FMN2: variants seen among roughly 807,000 people sequenced by gnomAD.
FMN2 encodes the protein formin-2.
In FMN2, 51 loss-of-function variants were observed where a neutral mutation model predicts 142.3. That is an observed-to-expected ratio of 0.36 (90% CI 0.29 to 0.45). The LOEUF is 0.45. FMN2 is among the 20% of genes least tolerant of loss of function. The pLI is 1.00. For missense variants in FMN2, 1,936 were observed against 2,122.8 expected, an observed-to-expected ratio of 0.91 and a Z score of 1.73; for synonymous variants, 882 against 869.8, an observed-to-expected ratio of 1.01 and a Z score of -0.25.
At chr1:240,431,317 G>A (rs969291803) in intron 15 of FMN2, among the ~76,000 whole-genome samples, 2 of 150,616 alleles carry the variant, frequency 1.3e-5, no homozygotes, top group African/African-American at 2.4e-5. Flanking sequence ...CACTTATTTA[G>A]TTCTGAGTAA....
At chr1:240,104,034 G>T (rs943917484) in intron 1 of FMN2, among the ~76,000 whole-genome samples, 2 of 151,370 alleles carry the variant, frequency 1.3e-5, no homozygotes, top group African/African-American at 4.8e-5. Context: ...CCGCCACCTC[G>T]CCTGGCTAAT....
At position 240,207,122 on chromosome 1, in the gene FMN2, C is replaced by A. The variant is rs766878427; in HGVS notation, c.2310C>A (p.Pro770=). Residue 770 remains proline (P), a synonymous_variant, in exon 5 of 18, where the codon CCC becomes CCA. Transcript: ENST00000319653. ...GGCTGCCAGGGCGTCCTCCATGCCC[C>A]CCTGGGGCTGAAAGTGGACCTCAGA... ...VDGLPGRPPC[P]PGAESGPQTK... The A allele has an allele frequency of 3.1e-6, 5 of 1,614,078 alleles. No individual in the cohort carries two copies. Among genetic ancestry groups the A allele is most frequent in the Non-Finnish European group, 2.5e-6 (3 of 1,179,988 alleles).
At chr1:240,362,900 G>C (rs72767921) in intron 14 of FMN2, among the ~76,000 whole-genome samples, 35,941 of 151,962 alleles carry the variant, frequency 0.24, 4,302 homozygotes, top group African/African-American at 0.28. Flanking sequence ...ACTTCTACCC[G>C]CCTCCCCGCT....
chr1:240,095,386 T>TACACACACACACACACACAC (rs59692947), intron 1 of FMN2, among the ~76,000 whole-genome samples: 26 of 149,866 alleles, frequency 1.7e-4, no homozygotes, highest in Middle Eastern at 7.0e-3. Flanking sequence ...TATATGTGCA[T>TACACACACACACACACACAC]ACACACACAC....
chr1:240,250,884 A>C (rs545278268), intron 6 of FMN2, among the ~76,000 whole-genome samples: 1 of 152,064 alleles, frequency 6.6e-6, no homozygotes, highest in Non-Finnish European at 1.5e-5. Flanking sequence ...ATAGTTGTTC[A>C]TAATAGTCTC....
At chr1:240,316,057 G>A (rs764289691) in intron 8 of FMN2, among the ~76,000 whole-genome samples, 4 of 152,148 alleles carry the variant, frequency 2.6e-5, no homozygotes, top group African/African-American at 4.8e-5. Flanking sequence ...TATTTAGAGT[G>A]AACCTACTGT....
chr1:240,350,200 C>G (rs559957406), intron 13 of FMN2, among the ~76,000 whole-genome samples: 1 of 152,324 alleles, frequency 6.6e-6, no homozygotes, highest in Admixed American at 6.5e-5. Context: ...ATTTATCCAA[C>G]AGGCTCTTCC....
chr1:240,243,141 C>A (rs1379075), intron 6 of FMN2, among the ~76,000 whole-genome samples: 29 of 151,644 alleles, frequency 1.9e-4, no homozygotes, highest in Non-Finnish European at 3.7e-4. Flanking sequence ...AAAAAAAAAA[C>A]CAAAAAACAA....
intron 16 of FMN2, among the ~76,000 whole-genome samples, chr1:240,443,393 G>A (rs1234736821): frequency 6.6e-6 from 1 of 152,158 alleles, no homozygotes; most frequent in Non-Finnish European, 1.5e-5. Flanking sequence ...TCATCACTGA[G>A]CAACACAAAA....
chr1:240,377,348 C>G lies in FMN2; in HGVS notation c.4859-15163C>G, dbSNP rs143028474. On this transcript the variant is annotated intron_variant, in intron 14 of 17. Transcript: ENST00000319653. Reference sequence around the variant, plus strand: ...TTCTTTCTGCAGTTAAGATATTGTTCTTTTGTCTTGTGTTTGCATAGTTTC... The same window carrying G: ...TTCTTTCTGCAGTTAAGATATTGTTGTTTTGTCTTGTGTTTGCATAGTTTC... 2.7e-3 allele frequency among the ~76,000 whole-genome samples: 401 copies of G among 147,858 alleles called. 5 individuals carry two copies. The highest frequency in any genetic ancestry group is 9.6e-3 in the African/African-American group (386 of 40,304).
chr1:240,387,906 G>A (rs182182221), intron 14 of FMN2, among the ~76,000 whole-genome samples: 235 of 152,150 alleles, frequency 1.5e-3, no homozygotes, highest in Non-Finnish European at 2.6e-3. Context: ...GGCCAGGCAC[G>A]GTGGCTCATG....
intron 3 of FMN2, among the ~76,000 whole-genome samples, chr1:240,182,559 A>T (rs1431600351): frequency 6.6e-6 from 1 of 152,222 alleles, no homozygotes; most frequent in Non-Finnish European, 1.5e-5. Context: ...ATTGTAATTC[A>T]CCTTTGTTCC....
intron 15 of FMN2, among the ~76,000 whole-genome samples, chr1:240,424,641 G>T (rs1187801440): frequency 6.6e-6 from 1 of 152,170 alleles, no homozygotes; most frequent in African/African-American, 2.4e-5. Context: ...TTCACTCGTA[G>T]ACCTTACTGT....
chr1:240,114,652 A>ATTTGT (rs749819049), intron 1 of FMN2, among the ~76,000 whole-genome samples: 5 of 137,774 alleles, frequency 3.6e-5, no homozygotes, highest in African/African-American at 5.4e-5. Flanking sequence ...TAATTATATC[A>ATTTGT]TTTCTTTTTT....
intron 6 of FMN2, among the ~76,000 whole-genome samples, chr1:240,238,903 T>C (rs1157665528): frequency 2.6e-5 from 4 of 152,184 alleles, no homozygotes; most frequent in African/African-American, 9.7e-5. Flanking sequence ...TGTTTCCATT[T>C]ATGATGCTCA....
intron 13 of FMN2, among the ~76,000 whole-genome samples, chr1:240,348,223 C>G (rs1474725199): frequency 1.4e-5 from 2 of 139,302 alleles, no homozygotes; most frequent in Middle Eastern, 3.4e-3. Flanking sequence ...GTTTTTTTTA[C>G]TTTTTTTTTT....
chr1:240,254,946 C>G (rs1428054820), intron 6 of FMN2, among the ~76,000 whole-genome samples: 1 of 152,152 alleles, frequency 6.6e-6, no homozygotes, highest in African/African-American at 2.4e-5. Flanking sequence ...GTGAGTGGAA[C>G]TCAGTGCGCG....
At chr1:240,428,283 G>A (rs985571048) in intron 15 of FMN2, among the ~76,000 whole-genome samples, 2 of 151,232 alleles carry the variant, frequency 1.3e-5, no homozygotes, top group African/African-American at 4.9e-5. Context: ...AGGCTAGAGA[G>A]TACAATGGTA....
chr1:240,195,709 CTG>C (rs764108510), intron 4 of FMN2, among the ~76,000 whole-genome samples: 9 of 152,166 alleles, frequency 5.9e-5, no homozygotes, highest in Non-Finnish European at 8.8e-5. Context: ...CAAGAATTGA[CTG>C]TATCTTTTTA....
Sources: gnomAD v4.1 joint callset for allele counts (sites outside exome capture counted in the v4.1 genomes callset) on GRCh38, gnomAD v4.1.1 for gene constraint, MANE v1.5 for transcripts, NCBI Gene and HGNC (gene_info 2026-07-23, HGNC 2026-07-21) for gene names.